CELF4: variants seen among roughly 807,000 people sequenced by gnomAD.
The protein encoded by CELF4 is CUG-BP- and ETR-3-like factor 4.
Under a neutral mutation model 59.9 loss-of-function variants are expected in CELF4, and 18 were observed. That is an observed-to-expected ratio of 0.30 (90% confidence interval 0.21 to 0.45). The LOEUF is 0.45. Ranked by LOEUF, CELF4 falls within the 20% of genes least tolerant of loss-of-function variation. The probability of loss-of-function intolerance (pLI) is 1.00; values close to 1 mark genes in which losing one functional copy is unlikely to be tolerated. For missense variants in CELF4, 456 were observed against 689.0 expected (o/e 0.66, Z 3.79); for synonymous variants, 261 against 267.1 (o/e 0.98, Z 0.22).
intron 2 of CELF4, among the ~76,000 whole-genome samples, chr18:37,407,717 T>A (rs1244686365): frequency 6.6e-6 from 1 of 152,112 alleles, no homozygotes; most frequent in African/African-American, 2.4e-5. Context: ...TGGTTTAATA[T>A]ACGAAGTGAA....
intron 10 of CELF4, among the ~76,000 whole-genome samples, chr18:37,260,892 C>T (rs962594644): frequency 9.9e-5 from 15 of 152,032 alleles, no homozygotes; most frequent in South Asian, 2.1e-4. Flanking sequence ...TGCTGGGGGA[C>T]GGCGCATTCA....
intron 11 of CELF4, among the ~76,000 whole-genome samples, chr18:37,257,772 G>A (rs561611537): frequency 6.6e-6 from 1 of 152,108 alleles, no homozygotes; most frequent in Non-Finnish European, 1.5e-5. Context: ...TGAGTGTCTG[G>A]CAGACTCAGC....
At chr18:37,442,862 G>A (rs1455376317) in intron 2 of CELF4, among the ~76,000 whole-genome samples, 2 of 152,158 alleles carry the variant, frequency 1.3e-5, no homozygotes, top group African/African-American at 4.8e-5. Flanking sequence ...CCCCCTCTCC[G>A]TCCTGTTAAG....
At chr18:37,497,303 G>C (rs186151235) in intron 1 of CELF4, among the ~76,000 whole-genome samples, 1 of 152,088 alleles carries the variant, frequency 6.6e-6, no homozygotes, top group Non-Finnish European at 1.5e-5. Context: ...CATTCATTTC[G>C]CAACCATTTA....
chr18:37,563,995 G>T (rs1368629120), intron 1 of CELF4, among the ~76,000 whole-genome samples: 1 of 152,212 alleles, frequency 6.6e-6, no homozygotes. Context: ...CACCTAATGT[G>T]CTGGAGGATC....
At chr18:37,457,999 C>T (rs1459468990) in intron 2 of CELF4, among the ~76,000 whole-genome samples, 2 of 152,032 alleles carry the variant, frequency 1.3e-5, no homozygotes, top group Non-Finnish European at 2.9e-5. Context: ...AGGGTGTTGG[C>T]AGAGTGGGTG....
chr18:37,353,376 G>A (rs1304365880), intron 2 of CELF4, among the ~76,000 whole-genome samples: 1 of 151,780 alleles, frequency 6.6e-6, no homozygotes, highest in African/African-American at 2.4e-5. Flanking sequence ...TGGAGTGACG[G>A]GGCTGGCCCC....
At chr18:37,431,307 A>ATC (rs1352752675) in intron 2 of CELF4, among the ~76,000 whole-genome samples, 1 of 146,112 alleles carries the variant, frequency 6.8e-6, no homozygotes, top group African/African-American at 2.6e-5. Flanking sequence ...TGGGCTTATC[A>ATC]TCTCCTCATT....
chr18:37,548,566 T>G (rs776854167), intron 1 of CELF4, among the ~76,000 whole-genome samples: 3 of 152,194 alleles, frequency 2.0e-5, no homozygotes, highest in African/African-American at 7.2e-5. Context: ...CTGTTTCCGA[T>G]AGTGAGCCGG....
At chr18:37,325,460 G>A (rs1466262765) in intron 2 of CELF4, among the ~76,000 whole-genome samples, 1 of 152,184 alleles carries the variant, frequency 6.6e-6, no homozygotes, top group Non-Finnish European at 1.5e-5. Flanking sequence ...CCTGTGTCTG[G>A]AGGCTTCCAC....
At chr18:37,538,659 G>A (rs541432734) in intron 1 of CELF4, among the ~76,000 whole-genome samples, 213 of 152,220 alleles carry the variant, frequency 1.4e-3, no homozygotes, top group Non-Finnish European at 2.3e-3. Context: ...TCCAATTGTC[G>A]CTTGTGGGTT....
chr18:37,274,922 C>G, intron 4 of CELF4, 38 bp from the exon 5 acceptor site: 1 of 1,595,706 alleles, frequency 6.3e-7, no homozygotes, highest in Non-Finnish European at 8.5e-7. Context: ...GACCCAGAAG[C>G]AGGGCCAGGG....
chr18:37,282,527 C>G (rs2094277512), intron 3 of CELF4, among the ~76,000 whole-genome samples: 1 of 152,198 alleles, frequency 6.6e-6, no homozygotes, highest in South Asian at 2.1e-4. Flanking sequence ...CCCCAAAACC[C>G]AGAGGCTTCC....
At chr18:37,538,026 T>C (rs2099974959) in intron 1 of CELF4, among the ~76,000 whole-genome samples, 1 of 152,232 alleles carries the variant, frequency 6.6e-6, no homozygotes, top group Admixed American at 6.5e-5. Context: ...GGCCGGCTCC[T>C]TGGTCCGGGT....
chr18:37,435,007 G>A (rs189839225), intron 2 of CELF4, among the ~76,000 whole-genome samples: 460 of 152,178 alleles, frequency 3.0e-3, no homozygotes, highest in African/African-American at 0.01. Flanking sequence ...GTCCACAGGA[G>A]GGGGGGATCC....
intron 3 of CELF4, among the ~76,000 whole-genome samples, chr18:37,296,361 A>G (rs763428320): frequency 6.6e-6 from 1 of 152,086 alleles, no homozygotes. Context: ...ATGCCTGCCT[A>G]ATTTTTGTAC....
chr18:37,523,066 C>T (rs548198571), intron 1 of CELF4, among the ~76,000 whole-genome samples: 12 of 152,250 alleles, frequency 7.9e-5, no homozygotes, highest in Admixed American at 2.0e-4. Context: ...ACAAGGGGGG[C>T]GGGTAGGCAT....
intron 2 of CELF4, among the ~76,000 whole-genome samples, chr18:37,459,316 C>T (rs1320637189): frequency 6.6e-6 from 1 of 152,160 alleles, no homozygotes; most frequent in African/African-American, 2.4e-5. Context: ...TCTCTAAAGC[C>T]AAAATGCTCT....
At chr18:37,287,930 G>C (rs2094959439) in intron 3 of CELF4, among the ~76,000 whole-genome samples, 1 of 152,196 alleles carries the variant, frequency 6.6e-6, no homozygotes, top group East Asian at 1.9e-4. Flanking sequence ...TGGATGGATG[G>C]GTGGCCAGGA....
Sources: gnomAD v4.1 joint callset for allele counts (sites outside exome capture counted in the v4.1 genomes callset) on GRCh38, gnomAD v4.1.1 for gene constraint, MANE v1.5 for transcripts, NCBI Gene and HGNC (gene_info 2026-07-23, HGNC 2026-07-21) for gene names.